The following SV2C variants were observed in gnomAD, a reference collection of about 807,000 sequenced individuals.
SV2C encodes the protein solute carrier family 22 member B3.
SV2C carries 49 observed loss-of-function variants against 79.7 expected under a neutral mutation model. The ratio of observed to expected loss-of-function variants is 0.61; its 90% CI spans 0.49 to 0.78. The LOEUF (loss-of-function observed/expected upper bound fraction) is 0.78, where lower values mean the gene tolerates loss of function less well. Ranked by LOEUF, SV2C falls within the 30% of genes least tolerant of loss-of-function variation. The pLI is 0.00. For synonymous variants in SV2C, 334 were observed against 333.2 expected (o/e 1.00, Z -0.03); for missense variants, 833 against 912.9 (o/e 0.91, Z 1.13).
chr5:76,050,016 T>C, the SV2C span, among the ~76,000 whole-genome samples: 1 of 152,212 alleles, frequency 6.6e-6, no homozygotes, highest in South Asian at 2.1e-4. Flanking sequence ...GCAATTTATT[T>C]AACTTCTCCA....
the SV2C span, among the ~76,000 whole-genome samples, chr5:75,869,225 G>T: frequency 6.6e-6 from 1 of 152,016 alleles, no homozygotes. Flanking sequence ...GGTCCTGATT[G>T]GCTCTTGGAT....
At chr5:75,956,905 C>T in the SV2C span, among the ~76,000 whole-genome samples, 1 of 151,922 alleles carries the variant, frequency 6.6e-6, no homozygotes, top group African/African-American at 2.4e-5. Context: ...TACATATCCT[C>T]CTACAGATTT....
At chr5:76,004,326 A>AAC in the SV2C span, among the ~76,000 whole-genome samples, 2 of 152,166 alleles carry the variant, frequency 1.3e-5, no homozygotes, top group Admixed American at 6.5e-5. Context: ...CTGGGCTATC[A>AAC]ACACACACTG....
In SV2C at chr5:76,347,732, C is replaced by T. The variant is rs1043525662; in HGVS notation, c.2001-5398C>T. ...GCTGGGATTGCAAGCGTGAGCCACC[C>T]GTGCCCGGTCCTAGCTATGTTATTT... On this transcript the variant is annotated intron_variant, in intron 12 of 12. Coordinates refer to the SV2C transcript ENST00000322285. 5.3e-5 allele frequency among the ~76,000 whole-genome samples: 8 copies of T among 152,246 alleles called. No homozygotes were observed. In the East Asian group the frequency reaches 5.8e-4, roughly 11 times the overall value.
intron 12 of SV2C, among the ~76,000 whole-genome samples, chr5:76,316,524 C>G (rs952890256): frequency 1.3e-5 from 2 of 152,114 alleles, no homozygotes; most frequent in Non-Finnish European, 2.9e-5. Context: ...CATGGTTATA[C>G]GTGCACTTTG....
rs375351450 is a variant in SV2C at position 76,130,145 on chromosome 5, TAAAAAAAAAAAA to T, written c.-101-1481_-101-1470del. Among the ~76,000 whole-genome samples, 23 of 67,834 alleles carry T rather than the reference TAAAAAAAAAAAA, an allele frequency of 3.4e-4. No homozygotes were observed. The South Asian group carries it at 8.7e-3, about 26-fold the overall frequency. The allele number at this position is 67,834 out of a possible 152,430, so 44.5% of individuals were successfully genotyped here. A position where few individuals can be genotyped will look rare whatever the true frequency, so the allele number is the denominator to read the frequency against. ...CTCCCTTTCTCTTCCTCTCAGTTCT[TAAAAAAAAAAAA>T]AAAAAAAAAAAAAAAAAAAAAAAGA... is the stretch of plus-strand genomic sequence containing the variant. On this transcript the variant is annotated intron_variant, in intron 1 of 12. Transcript: ENST00000502798.
At chr5:76,085,233 G>A (rs972251589) in intron 1 of SV2C, among the ~76,000 whole-genome samples, 3 of 152,188 alleles carry the variant, frequency 2.0e-5, no homozygotes, top group African/African-American at 7.2e-5. Flanking sequence ...GTTCTGTAGT[G>A]CCAACCCGTT....
At chr5:76,169,030 T>C (rs1486035311) in intron 2 of SV2C, among the ~76,000 whole-genome samples, 2 of 152,230 alleles carry the variant, frequency 1.3e-5, no homozygotes, top group Admixed American at 6.5e-5. Context: ...AAAGTACTGC[T>C]GACTTCTCTG....
At chr5:75,954,631 A>AT in the SV2C span, among the ~76,000 whole-genome samples, 3 of 150,084 alleles carry the variant, frequency 2.0e-5, no homozygotes, top group East Asian at 5.8e-4. Flanking sequence ...ACATGATTGT[A>AT]TATCTAGAAA....
chr5:76,248,040 C>G (rs35534778), intron 4 of SV2C, among the ~76,000 whole-genome samples: 14 of 152,154 alleles, frequency 9.2e-5, no homozygotes, highest in African/African-American at 3.4e-4. Context: ...TTCAGAGCTG[C>G]TAATGATCAA....
chr5:76,202,598 G>A (rs1744486050), intron 3 of SV2C, among the ~76,000 whole-genome samples: 1 of 152,218 alleles, frequency 6.6e-6, no homozygotes, highest in East Asian at 1.9e-4. Flanking sequence ...TGGCCCCAGA[G>A]CATCAGAAGG....
At chr5:76,259,391 C>A (rs1332188628) in intron 4 of SV2C, among the ~76,000 whole-genome samples, 1 of 152,188 alleles carries the variant, frequency 6.6e-6, no homozygotes, top group African/African-American at 2.4e-5. Flanking sequence ...ATTTGCATTT[C>A]TCTGAAGACT....
chr5:76,070,448 C>A, the SV2C span, among the ~76,000 whole-genome samples: 2 of 152,324 alleles, frequency 1.3e-5, no homozygotes, highest in South Asian at 2.1e-4. Context: ...GCACTTCAGT[C>A]TCTTCTTCTC....
At chr5:76,137,335 C>T (rs921318819) in intron 2 of SV2C, among the ~76,000 whole-genome samples, 1 of 152,060 alleles carries the variant, frequency 6.6e-6, no homozygotes, top group African/African-American at 2.4e-5. Flanking sequence ...GTGTCAGAAT[C>T]GGAAGCATTT....
intron 1 of SV2C, among the ~76,000 whole-genome samples, chr5:76,113,350 C>T (rs1295190161): frequency 6.6e-6 from 1 of 152,166 alleles, no homozygotes; most frequent in Non-Finnish European, 1.5e-5. Flanking sequence ...ACCTTTAGTT[C>T]TTGTATGCAT....
the SV2C span, among the ~76,000 whole-genome samples, chr5:76,015,841 TATATC>T: frequency 4.6e-5 from 7 of 152,146 alleles, no homozygotes; most frequent in Non-Finnish European, 8.8e-5. Flanking sequence ...AGCTAGAGAA[TATATC>T]ATAAACAAAC....
At chr5:76,182,666 G>A (rs914165380) in intron 2 of SV2C, among the ~76,000 whole-genome samples, 29 of 152,188 alleles carry the variant, frequency 1.9e-4, no homozygotes, top group African/African-American at 6.8e-4. Context: ...TGTGCTCCAG[G>A]CACTTCAGGA....
At chr5:76,092,769 C>T (rs13169152) in intron 1 of SV2C, among the ~76,000 whole-genome samples, 40,514 of 151,960 alleles carry the variant, frequency 0.27, 6,069 homozygotes, top group East Asian at 0.43. Context: ...CTCTTCTTCC[C>T]CAACTCCCGC....
chr5:76,100,965 G>GT (rs1170133623), intron 1 of SV2C, among the ~76,000 whole-genome samples: 9 of 152,234 alleles, frequency 5.9e-5, no homozygotes, highest in African/African-American at 2.2e-4. Flanking sequence ...AAGGCTGGGG[G>GT]TTGGGGGGAG....
Sources: allele counts gnomAD v4.1 joint callset (sites outside exome capture counted in the v4.1 genomes callset), GRCh38; gene constraint gnomAD v4.1.1; transcripts MANE v1.5; gene names NCBI Gene and HGNC (gene_info 2026-07-23, HGNC 2026-07-21).